USP5: variants seen among roughly 807,000 people sequenced by gnomAD.
USP5 encodes the protein ubiquitin carboxyl-terminal hydrolase 5.
Under a neutral mutation model 102.5 loss-of-function variants are expected in USP5, and 24 were observed. The observed-to-expected ratio is 0.23, with a 90% CI of 0.17 to 0.33. The LOEUF (loss-of-function observed/expected upper bound fraction) is 0.33, where lower values mean the gene tolerates loss of function less well. USP5 is among the 10% of genes least tolerant of loss of function. USP5 has a pLI of 1.00. For synonymous variants in USP5, 460 were observed against 434.8 expected (o/e 1.06, Z -0.72); for missense variants, 753 against 1,122.1 (o/e 0.67, Z 4.70).
Position 6,861,336 on chromosome 12 carries a change from T to C in USP5, c.1499-107T>C. ...TATTGGACATGTGTCAGGGGTGCTT[T>C]GGAAGGGTAGAGGAACTGAAATACG... is the stretch of plus-strand genomic sequence containing the variant. On this transcript the variant is annotated intron_variant, in intron 12 of 19. Transcript: ENST00000229268. This position sits in a 1 kb window ranked among gnomAD's most constrained non-coding sequence, Gnocchi z 4.9. The C allele has an allele frequency of 7.2e-7, 1 of 1,391,260 alleles. No homozygotes were observed. The highest frequency in any genetic ancestry group is 9.7e-7 in the Non-Finnish European group (1 of 1,026,766). 86.2% of individuals were successfully genotyped at this position (1,391,260 alleles called of 1,614,324 possible). A position where few individuals can be genotyped will look rare whatever the true frequency, so the allele number is the denominator to read the frequency against.
intron 13 of USP5, among the ~76,000 whole-genome samples, chr12:6,862,018 G>C (rs879970215): frequency 1.3e-5 from 2 of 152,044 alleles, no homozygotes; most frequent in Admixed American, 1.3e-4. Flanking sequence ...CTTTGGTCTC[G>C]GGGAGTCAGC....
In USP5 at chr12:6,860,579, C is replaced by T. The variant is rs574902679; in HGVS notation, c.1344+88C>T. 8.9e-4 allele frequency: 1,402 copies of T among 1,579,814 alleles called. 1 individual carries two copies. Among genetic ancestry groups the T allele is most frequent in the Non-Finnish European group, 1.1e-3 (1,278 of 1,165,942 alleles). On this transcript the variant is annotated intron_variant, in intron 11 of 19. Coordinates refer to ENST00000229268, the MANE Select transcript of USP5 (RefSeq NM_001098536.2). This position sits in a 1 kb window ranked among gnomAD's most constrained non-coding sequence, Gnocchi z 5.5. ...CATTTCTCCCTCTATCAGCCCCAAC[C>T]CAGTCCCATCCCTGAACCCCAACAG...
chr12:6,857,836 C>T, intron 7 of USP5, 113 bp downstream of exon 7: 2 of 941,316 alleles, frequency 2.1e-6, no homozygotes, highest in Non-Finnish European at 3.3e-6. Context: ...AACCCCATCC[C>T]CAAGATACAC....
Position 6,860,451 on chromosome 12 carries a change from A to G in USP5, c.1304A>G (p.Asp435Gly). The change falls in exon 11 of 20, where the codon GAT (aspartate) becomes GGT (glycine). Residue 435 changes from aspartate to glycine, a missense_variant. Coordinates refer to ENST00000229268, the MANE Select transcript of USP5 (RefSeq NM_001098536.2). This position sits in a 1 kb window ranked among gnomAD's most constrained non-coding sequence, Gnocchi z 5.5. ...GAATTCTCCACCAACCGGCAGCAGG[A>G]TGCCCAGGAGTTCTTCCTTCACCTT... ...HPEFSTNRQQ[D>G]AQEFFLHLIN... 6.2e-7 allele frequency: 1 copy of G among 1,614,142 alleles called. No homozygotes were observed. The highest frequency in any genetic ancestry group is 8.5e-7 in the Non-Finnish European group (1 of 1,180,026).
rs1235510211 is a variant in USP5, at chr12:6,864,994, G to A, written c.2398+119G>A. ...GTCAGGGGCTTCTTTCCACCTCAAC[G>A]TGGCATCTGAGGGTGGGGTTCTCTG... On this transcript the variant is annotated intron_variant, in intron 18 of 19. Transcript: ENST00000229268. This position sits in a 1 kb window ranked among gnomAD's most constrained non-coding sequence, Gnocchi z 4.8. 1.4e-6 allele frequency: 2 copies of A among 1,428,530 alleles called. No individual in the cohort carries two copies. The highest frequency in any genetic ancestry group is 1.9e-6 in the Non-Finnish European group (2 of 1,061,616). The allele number at this position is 1,428,530 out of a possible 1,614,324, so 88.5% of individuals were successfully genotyped here. A position where few individuals can be genotyped will look rare whatever the true frequency, so the allele number is the denominator to read the frequency against.
At chr12:6,862,660 GA>G (rs1313936637) in intron 14 of USP5, 102 bp downstream of exon 14, 106 of 1,092,072 alleles carry the variant, frequency 9.7e-5, no homozygotes, top group Middle Eastern at 2.1e-4. Context: ...TCTGAAAGAG[GA>G]AAAAAAATCA....
chr12:6,857,499 GGGA>G, intron 6 of USP5, 127 bp from the exon 7 acceptor site: 1 of 719,662 alleles, frequency 1.4e-6, no homozygotes, highest in Admixed American at 2.4e-5. Context: ...TCATATTCAA[GGGA>G]ACCAAGAGGG....
At chr12:6,865,117 G>GCATT (rs1666104104) in intron 18 of USP5, 47 bp from the exon 19 acceptor site, 1 of 1,526,084 alleles carries the variant, frequency 6.6e-7, no homozygotes, top group African/African-American at 1.4e-5. Flanking sequence ...CATCACTCAA[G>GCATT]CATTCCTCTT....
Position 6,856,551 on chromosome 12 carries a change from A to G in USP5, c.584+101A>G. On this transcript the variant is annotated intron_variant, in intron 5 of 19. Coordinates refer to ENST00000229268, the MANE Select transcript of USP5 (RefSeq NM_001098536.2). The surrounding 1 kb of genome is among the most constrained non-coding windows in gnomAD (Gnocchi z 5.6). ...TGGGAGAGAGGGTAGGGAGCAGGAC[A>G]GGAAGGGAAGCTTGGAAATGAACAC... is the stretch of plus-strand genomic sequence containing the variant. 6.5e-7 allele frequency: 1 copy of G among 1,545,956 alleles called. No homozygotes were observed. Among genetic ancestry groups the G allele is most frequent in the Non-Finnish European group, 8.7e-7 (1 of 1,148,360 alleles).
Position 6,861,138 on chromosome 12 carries a change from G to C in USP5, c.1498+32G>C. ...TGCTCCATCAGCAAGGCCGTGGCACGGTGGGAGGCTAAGGTCTAGGAGGAA... is the reference window on the plus strand; with the variant it reads ...TGCTCCATCAGCAAGGCCGTGGCACCGTGGGAGGCTAAGGTCTAGGAGGAA... On this transcript the variant is annotated intron_variant, in intron 12 of 19. Transcript: ENST00000229268. The surrounding 1 kb of genome is among the most constrained non-coding windows in gnomAD (Gnocchi z 4.9). The C allele has an allele frequency of 1.2e-6, 2 of 1,612,416 alleles. No individual in the cohort carries two copies. The highest frequency in any genetic ancestry group is 2.2e-5 in the South Asian group (2 of 91,052).
In USP5 at chr12:6,856,109, C is replaced by T. The variant is rs782618676; in HGVS notation, c.397C>T (p.Arg133Trp). 6.2e-6 allele frequency: 10 copies of T among 1,613,930 alleles called. No individual in the cohort carries two copies. Among genetic ancestry groups the T allele is most frequent in the Admixed American group, 3.3e-5 (2 of 59,992 alleles). Residue 133 changes from arginine to tryptophan, a missense_variant, in exon 4 of 20, where the codon CGG becomes TGG. Physicochemically the swap from Arg to Trp is moderately radical, Grantham distance 101. Around this residue, in one of 3 missense-constraint regions of USP5, gnomAD observed 527 missense variants for 816.5 expected, o/e 0.65. Transcript: ENST00000229268. The surrounding 1 kb of genome is among the most constrained non-coding windows in gnomAD (Gnocchi z 5.6). ...TTTGCCAGATTACCTGGAGATTGCC[C>T]GGGATGGACTGGGGGGACTGCCTGA... ...VILPDYLEIARDGLGGLPDIV... is the reference protein window; with the variant it reads ...VILPDYLEIAWDGLGGLPDIV...
chr12:6,855,314 G>C lies in USP5; in HGVS notation c.112-87G>C. On this transcript the variant is annotated intron_variant, in intron 1 of 19. Transcript: ENST00000229268. This position sits in a 1 kb window ranked among gnomAD's most constrained non-coding sequence, Gnocchi z 4.6. The stretch of plus-strand genomic sequence containing the variant: ...AACAGAACATTTCTTCTGGAACCCA[G>C]CAGTTTCTGACTCCAGGTTTTGGTT... 6.5e-7 allele frequency: 1 copy of C among 1,548,744 alleles called. No individual in the cohort carries two copies. The highest frequency in any genetic ancestry group is 8.8e-7 in the Non-Finnish European group (1 of 1,139,970).
chr12:6,864,179 A>C lies in USP5; in HGVS notation c.2228A>C (p.Lys743Thr). The C allele has an allele frequency of 6.2e-7, 1 of 1,610,848 alleles. No individual in the cohort carries two copies. Among genetic ancestry groups the C allele is most frequent in the East Asian group, 2.2e-5 (1 of 44,804 alleles). ...SMGFSRDQAL[K>T]ALRATNNSLE... ...GGCTTCTCCCGGGACCAGGCCTTGAAAGCGCTGCGGGCCACGGTATGGGCT... is the reference window on the plus strand; with the variant it reads ...GGCTTCTCCCGGGACCAGGCCTTGACAGCGCTGCGGGCCACGGTATGGGCT... Residue 743 changes from lysine (K) to threonine (T), a missense_variant, in exon 17 of 20, where the codon AAA becomes ACA. Physicochemically the swap from Lys to Thr is moderately conservative, Grantham distance 78 (BLOSUM62 -1). Around this residue, in one of 3 missense-constraint regions of USP5, gnomAD observed 193 missense variants for 230.2 expected, o/e 0.84. Coordinates refer to ENST00000229268, the MANE Select transcript of USP5 (RefSeq NM_001098536.2). This position sits in a 1 kb window ranked among gnomAD's most constrained non-coding sequence, Gnocchi z 4.8.
At position 6,852,150 on chromosome 12, in the gene USP5, G is replaced by T. The variant is rs1409608834; in HGVS notation, c.-30G>T. ...GAGGGGACTGGGAACGGTGGGAGCC[G>T]CCGTGTGTGGAGAAGCTGCTGCCGG... On this transcript the variant is annotated 5_prime_UTR_variant, in exon 1 of 20. Coordinates refer to ENST00000229268, the MANE Select transcript of USP5 (RefSeq NM_001098536.2). 6.3e-6 allele frequency: 10 copies of T among 1,586,018 alleles called. No individual in the cohort carries two copies. Among genetic ancestry groups the T allele is most frequent in the Non-Finnish European group, 7.7e-6 (9 of 1,164,774 alleles).
rs782325356 is a variant in USP5 at position 6,863,525 on chromosome 12, G to A, written c.1954+148G>A. On this transcript the variant is annotated intron_variant, in intron 15 of 19. Coordinates refer to ENST00000229268, the MANE Select transcript of USP5 (RefSeq NM_001098536.2). The surrounding 1 kb of genome is among the most constrained non-coding windows in gnomAD (Gnocchi z 4.7). ...TTGATTGACATGGGGCCTCCCCAGC[G>A]CACTCCTAGCCACCTTCTGGGTGTG... The A allele has an allele frequency of 1.5e-4, 158 of 1,044,542 alleles. 1 individual carries two copies. Among genetic ancestry groups the A allele is most frequent in the South Asian group, 8.0e-4 (49 of 61,628 alleles). 64.7% of individuals were successfully genotyped at this position (1,044,542 alleles called of 1,614,324 possible).
At chr12:6,857,760 T>C (rs1944162150) in intron 7 of USP5, 37 bp downstream of exon 7, 2 of 1,608,404 alleles carry the variant, frequency 1.2e-6, no homozygotes, top group Non-Finnish European at 1.7e-6. Context: ...TTCTACTTCC[T>C]GCCCCTGTGA....
chr12:6,865,114 C>A, intron 18 of USP5, 50 bp from the exon 19 acceptor site: 2 of 1,519,040 alleles, frequency 1.3e-6, no homozygotes, highest in South Asian at 1.1e-5. Context: ...GGCCATCACT[C>A]AAGCATTCCT....
In USP5 at chr12:6,863,730, A is replaced by G; in HGVS notation, c.1955-100A>G. 2 of 1,463,366 alleles carry G rather than the reference A, an allele frequency of 1.4e-6. No homozygotes were observed. The highest frequency in any genetic ancestry group is 9.1e-7 in the Non-Finnish European group (1 of 1,102,208). 90.6% of individuals were successfully genotyped at this position (1,463,366 alleles called of 1,614,324 possible). A position where few individuals can be genotyped will look rare whatever the true frequency, so the allele number is the denominator to read the frequency against. On this transcript the variant is annotated intron_variant, in intron 15 of 19. Transcript: ENST00000229268. The surrounding 1 kb of genome is among the most constrained non-coding windows in gnomAD (Gnocchi z 4.7). ...GTGCCAATCCATGGGAGAAAAATGC[A>G]TGGAATGGGTGATTGGAAGAGGGCT...
rs2071063 is a variant in USP5, at chr12:6,864,602, A to T, written c.2245-120A>T. 0.036 allele frequency: 40,184 copies of T among 1,113,496 alleles called. 4,395 individuals are homozygous for T. The highest frequency in any genetic ancestry group is 0.28 in the African/African-American group (18,063 of 63,552). 69.0% of individuals were successfully genotyped at this position (1,113,496 alleles called of 1,614,324 possible). Reference sequence around the variant, plus strand: ...TACTTGGGAGGCTGAGGCAGGAGAAAGGCGTGAACCCGGGAGGCGGAGCTT... The same window carrying T: ...TACTTGGGAGGCTGAGGCAGGAGAATGGCGTGAACCCGGGAGGCGGAGCTT... On this transcript the variant is annotated intron_variant, in intron 17 of 19. Coordinates refer to ENST00000229268, the MANE Select transcript of USP5 (RefSeq NM_001098536.2). This position sits in a 1 kb window ranked among gnomAD's most constrained non-coding sequence, Gnocchi z 4.8.
Sources: gnomAD v4.1 joint callset for allele counts (sites outside exome capture counted in the v4.1 genomes callset) on GRCh38, gnomAD v4.1.1 for gene constraint, gnomAD v4.1.1 regional missense constraint, Gnocchi (gnomAD v3.1) non-coding constraint, MANE v1.5 for transcripts, NCBI Gene and HGNC (gene_info 2026-07-23, HGNC 2026-07-21) for gene names.